LRMDA: variants seen among roughly 807,000 people sequenced by gnomAD.
The protein encoded by LRMDA is leucine-rich melanocyte differentiation-associated protein.
LRMDA carries 18 observed loss-of-function variants against 29.8 expected under a neutral mutation model. The ratio of observed to expected loss-of-function variants is 0.60; its 90% CI spans 0.42 to 0.90. The LOEUF (loss-of-function observed/expected upper bound fraction) is 0.90, where lower values mean the gene tolerates loss of function less well. Among genes scored for constraint, LRMDA ranks in the 40% least tolerant of loss-of-function variants. LRMDA has a pLI of 0.00. For synonymous variants in LRMDA, 125 were observed against 109.4 expected, an observed-to-expected ratio of 1.14 and a Z score of -0.89; for missense variants, 273 against 273.9, an observed-to-expected ratio of 1.00 and a Z score of 0.02.
At chr10:75,512,419 A>G (rs1193237209) in intron 2 of LRMDA, among the ~76,000 whole-genome samples, 1 of 151,264 alleles carries the variant, frequency 6.6e-6, no homozygotes, top group Non-Finnish European at 1.5e-5. Flanking sequence ...TACTTTGACC[A>G]TTTTGCTCCA....
At chr10:75,612,281 C>T (rs9415121) in intron 2 of LRMDA, among the ~76,000 whole-genome samples, 12,981 of 152,230 alleles carry the variant, frequency 0.085, 843 homozygotes, top group East Asian at 0.32. Flanking sequence ...CTGAACCGTG[C>T]TGGGCCCTTT....
chr10:76,479,091 G>A (rs1436193965), intron 6 of LRMDA, among the ~76,000 whole-genome samples: 1 of 151,150 alleles, frequency 6.6e-6, no homozygotes, highest in Admixed American at 6.6e-5. Context: ...ACTAAATATT[G>A]AGCTTATAAA....
At chr10:75,973,749 G>A (rs920624530) in intron 2 of LRMDA, among the ~76,000 whole-genome samples, 9 of 152,144 alleles carry the variant, frequency 5.9e-5, no homozygotes, top group African/African-American at 2.2e-4. Context: ...TATTATGGCA[G>A]CTGAATTAAG....
chr10:75,738,923 ACATTTTTCTCGTT>A (rs980423161), intron 2 of LRMDA, among the ~76,000 whole-genome samples: 37 of 152,162 alleles, frequency 2.4e-4, no homozygotes, highest in Non-Finnish European at 4.7e-4. Context: ...TTTTCTGGTT[ACATTTTTCTCGTT>A]CACAAGTCAG....
At chr10:75,581,566 G>T (rs1213588203) in intron 2 of LRMDA, among the ~76,000 whole-genome samples, 2 of 152,094 alleles carry the variant, frequency 1.3e-5, no homozygotes. Context: ...CCATTACTGG[G>T]TATATACCCA....
chr10:76,230,641 T>G (rs1852042420), intron 5 of LRMDA, among the ~76,000 whole-genome samples: 1 of 151,960 alleles, frequency 6.6e-6, no homozygotes. Context: ...TTCCAGGCAT[T>G]CTTTTCTAAA....
At chr10:75,783,485 CAAAA>C (rs55852739) in intron 2 of LRMDA, among the ~76,000 whole-genome samples, 4 of 70,504 alleles carry the variant, frequency 5.7e-5, no homozygotes, top group African/African-American at 1.1e-4. Flanking sequence ...TGCTCAGAGG[CAAAA>C]AAAAAAAAAA....
At chr10:76,382,052 C>G (rs1294861799) in intron 6 of LRMDA, among the ~76,000 whole-genome samples, 1 of 152,136 alleles carries the variant, frequency 6.6e-6, no homozygotes, top group East Asian at 1.9e-4. Context: ...CACATTGTTG[C>G]AATGGAAAAA....
At chr10:76,119,310 G>A (rs911955589) in intron 5 of LRMDA, among the ~76,000 whole-genome samples, 2 of 152,070 alleles carry the variant, frequency 1.3e-5, no homozygotes, top group African/African-American at 2.4e-5. Context: ...AAATGGCAGG[G>A]CAGCATAGAT....
At chr10:76,100,176 T>G (rs1849374332) in intron 5 of LRMDA, among the ~76,000 whole-genome samples, 1 of 152,258 alleles carries the variant, frequency 6.6e-6, no homozygotes, top group South Asian at 2.1e-4. Flanking sequence ...TTATGTAATA[T>G]TCTTCTTTAT....
chr10:76,174,304 T>A (rs12249689), intron 5 of LRMDA, among the ~76,000 whole-genome samples: 2 of 151,934 alleles, frequency 1.3e-5, no homozygotes, highest in African/African-American at 4.8e-5. Flanking sequence ...AAAATTAATT[T>A]AATTAAAAAA....
chr10:76,347,969 A>G (rs1017071560), intron 6 of LRMDA, among the ~76,000 whole-genome samples: 3 of 152,110 alleles, frequency 2.0e-5, no homozygotes, highest in African/African-American at 7.2e-5. Context: ...GCATTGTACA[A>G]ATGTTTGCAT....
At chr10:76,277,709 C>G (rs1051050729) in intron 5 of LRMDA, among the ~76,000 whole-genome samples, 6 of 152,152 alleles carry the variant, frequency 3.9e-5, no homozygotes, top group African/African-American at 1.4e-4. Context: ...CTTCCCACCT[C>G]TCATAATATG....
chr10:75,745,020 C>T (rs1842873648), intron 2 of LRMDA, among the ~76,000 whole-genome samples: 2 of 152,230 alleles, frequency 1.3e-5, no homozygotes, highest in African/African-American at 4.8e-5. Flanking sequence ...ACTCTGCTCA[C>T]ACTGTTCCCT....
intron 5 of LRMDA, among the ~76,000 whole-genome samples, chr10:76,242,582 A>G (rs1852296557): frequency 6.6e-6 from 1 of 152,054 alleles, no homozygotes; most frequent in Non-Finnish European, 1.5e-5. Context: ...GTCTCTTCAC[A>G]TGGTGTTCTC....
At chr10:76,265,210 G>C (rs1011796685) in intron 5 of LRMDA, among the ~76,000 whole-genome samples, 13 of 152,164 alleles carry the variant, frequency 8.5e-5, no homozygotes, top group African/African-American at 2.7e-4. Flanking sequence ...TCCTTTAGCT[G>C]TTCTCTGTAC....
At chr10:76,279,539 C>CTTTTTTTTTTTTTTTTTT (rs759651873) in intron 5 of LRMDA, among the ~76,000 whole-genome samples, 1 of 93,810 alleles carries the variant, frequency 1.1e-5, no homozygotes, top group Non-Finnish European at 2.1e-5. Context: ...ACAAATGCTT[C>CTTTTTTTTTTTTTTTTTT]TTTTTTTTTT....
intron 5 of LRMDA, among the ~76,000 whole-genome samples, chr10:76,231,474 G>T (rs1418178567): frequency 1.3e-5 from 2 of 152,194 alleles, no homozygotes; most frequent in Non-Finnish European, 2.9e-5. Context: ...ACCCAAGGAG[G>T]TGCTGGGTAT....
In LRMDA at chr10:75,603,388, A is replaced by G. The variant is rs1242117735; in HGVS notation, c.131+164894A>G. On this transcript the variant is annotated intron_variant, in intron 2 of 6. Transcript: ENST00000611255. ...ACGAGACACTTTGCCAGTAATTACT[A>G]TCCAGGACTTGCAGCTTTCTAGTAG... Among the ~76,000 whole-genome samples, 5 of 152,184 alleles carry G rather than the reference A, an allele frequency of 3.3e-5. No homozygotes were observed. The East Asian group carries it at 9.6e-4, about 29-fold the overall frequency.
Sources: allele counts gnomAD v4.1 joint callset (sites outside exome capture counted in the v4.1 genomes callset), GRCh38; gene constraint gnomAD v4.1.1; transcripts MANE v1.5; gene names NCBI Gene and HGNC (gene_info 2026-07-23, HGNC 2026-07-21).